Variants in STXBP5L observed in about 807,000 individuals in gnomAD.
The protein encoded by STXBP5L is syntaxin-binding protein 5-like.
STXBP5L carries 65 observed loss-of-function variants against 144.5 expected under a neutral mutation model. The ratio of observed to expected loss-of-function variants is 0.45; its 90% CI spans 0.37 to 0.55. The LOEUF is 0.55. STXBP5L is among the 20% of genes least tolerant of loss of function. STXBP5L has a pLI of 0.00. For synonymous variants in STXBP5L, 505 were observed against 469.6 expected, an observed-to-expected ratio of 1.08 and a Z score of -0.97; for missense variants, 1,298 against 1,405.5, an observed-to-expected ratio of 0.92 and a Z score of 1.22.
chr3:121,367,643 A>G (rs1165480789), intron 20 of STXBP5L, among the ~76,000 whole-genome samples: 1 of 111,378 alleles, frequency 9.0e-6, no homozygotes, highest in African/African-American at 3.5e-5. Flanking sequence ...TCACTTTGTC[A>G]CCCAGAATAG....
intron 3 of STXBP5L, among the ~76,000 whole-genome samples, chr3:120,975,771 C>G (rs1195067866): frequency 6.6e-6 from 1 of 152,078 alleles, no homozygotes; most frequent in Non-Finnish European, 1.5e-5. Context: ...TGAATTTTGT[C>G]AAAGGCCTTT....
chr3:120,955,725 A>G (rs538017972), intron 3 of STXBP5L, among the ~76,000 whole-genome samples: 1 of 152,130 alleles, frequency 6.6e-6, no homozygotes, highest in African/African-American at 2.4e-5. Flanking sequence ...ACATTATACA[A>G]TCAAGATACA....
intron 2 of STXBP5L, among the ~76,000 whole-genome samples, chr3:120,952,713 G>A (rs1336776350): frequency 1.3e-5 from 2 of 152,014 alleles, no homozygotes; most frequent in Admixed American, 1.3e-4. Flanking sequence ...GGCATTGATG[G>A]ATGCTTGATC....
intron 2 of STXBP5L, among the ~76,000 whole-genome samples, chr3:120,947,208 T>C (rs1710917636): frequency 6.6e-6 from 1 of 151,782 alleles, no homozygotes; most frequent in Admixed American, 6.6e-5. Flanking sequence ...GAGCATAAAT[T>C]ATAATATTTC....
At chr3:121,112,595 TC>T (rs2044040884) in intron 5 of STXBP5L, among the ~76,000 whole-genome samples, 1 of 151,710 alleles carries the variant, frequency 6.6e-6, no homozygotes, top group Non-Finnish European at 1.5e-5. Context: ...CGCAGCTATT[TC>T]CAGTCAATCA....
chr3:121,155,122 C>T (rs180801183), intron 8 of STXBP5L, among the ~76,000 whole-genome samples: 1 of 151,922 alleles, frequency 6.6e-6, no homozygotes, highest in Non-Finnish European at 1.5e-5. Context: ...GAATTCTCTA[C>T]AACAGAACCT....
chr3:121,048,315 A>G (rs1947666688), intron 5 of STXBP5L, among the ~76,000 whole-genome samples: 1 of 151,926 alleles, frequency 6.6e-6, no homozygotes, highest in African/African-American at 2.4e-5. Flanking sequence ...GAATCTAATT[A>G]TGTGTCTTGG....
At position 121,065,026 on chromosome 3, in the gene STXBP5L, G is replaced by A. The variant is rs191653947; in HGVS notation, c.470+19491G>A. Reference sequence around the variant, plus strand: ...TTCTGTTCCTACATTAATTCTTTTAGGATTATTGCCTCCAGCTGCATTCTT... The same window carrying A: ...TTCTGTTCCTACATTAATTCTTTTAAGATTATTGCCTCCAGCTGCATTCTT... On this transcript the variant is annotated intron_variant, in intron 5 of 26. Transcript: ENST00000471454. Among the ~76,000 whole-genome samples, 467 of 151,552 alleles carry A rather than the reference G, an allele frequency of 3.1e-3. 5 individuals carry two copies. The highest frequency in any genetic ancestry group is 0.011 in the African/African-American group (450 of 41,348).
intron 14 of STXBP5L, among the ~76,000 whole-genome samples, chr3:121,244,405 TC>T (rs923330037): frequency 6.7e-6 from 1 of 150,356 alleles, no homozygotes; most frequent in Non-Finnish European, 1.5e-5. Context: ...ACAAACACAT[TC>T]AAGTGGACTG....
At chr3:120,992,895 C>T (rs947297094) in intron 3 of STXBP5L, among the ~76,000 whole-genome samples, 2 of 151,924 alleles carry the variant, frequency 1.3e-5, no homozygotes, top group Non-Finnish European at 2.9e-5. Context: ...TCTGTAATGC[C>T]TATACTAATT....
At chr3:121,210,137 G>C (rs2048500257) in intron 10 of STXBP5L, among the ~76,000 whole-genome samples, 1 of 152,032 alleles carries the variant, frequency 6.6e-6, no homozygotes, top group Non-Finnish European at 1.5e-5. Context: ...TAACTGGTGT[G>C]AGATGGTATC....
At chr3:121,329,546 A>G (rs971128740) in intron 20 of STXBP5L, among the ~76,000 whole-genome samples, 7 of 152,210 alleles carry the variant, frequency 4.6e-5, no homozygotes, top group Non-Finnish European at 1.0e-4. Context: ...TCATGGAAAT[A>G]CTCAAACAGT....
intron 10 of STXBP5L, among the ~76,000 whole-genome samples, chr3:121,206,741 GA>G (rs772135915): frequency 6.6e-6 from 1 of 152,154 alleles, no homozygotes; most frequent in Non-Finnish European, 1.5e-5. Context: ...TTGAGCCCAG[GA>G]GGTGGAGGTT....
intron 22 of STXBP5L, among the ~76,000 whole-genome samples, chr3:121,388,239 G>C (rs550750494): frequency 7.2e-5 from 11 of 152,124 alleles, no homozygotes; most frequent in Non-Finnish European, 1.0e-4. Flanking sequence ...ATTTTTGCAC[G>C]TTGATTTTGT....
intron 5 of STXBP5L, among the ~76,000 whole-genome samples, chr3:121,078,132 T>C (rs2042099420): frequency 6.6e-6 from 1 of 150,448 alleles, no homozygotes; most frequent in Admixed American, 6.6e-5. Flanking sequence ...CCAGAGGAGC[T>C]AGATACAGAG....
intron 9 of STXBP5L, chr3:121,158,596 A>G (rs1031102602): frequency 2.8e-4 from 42 of 152,158 alleles, no homozygotes; most frequent in African/African-American, 9.7e-4. Flanking sequence ...CTTTACATTT[A>G]GATGCTTACT....
At chr3:121,075,052 C>T (rs188698372) in intron 5 of STXBP5L, among the ~76,000 whole-genome samples, 5 of 152,242 alleles carry the variant, frequency 3.3e-5, no homozygotes, top group African/African-American at 1.2e-4. Flanking sequence ...ACCATAGGCT[C>T]CTTGGGGCCT....
intron 2 of STXBP5L, among the ~76,000 whole-genome samples, chr3:120,943,717 T>C (rs1166006681): frequency 6.6e-6 from 1 of 151,688 alleles, no homozygotes; most frequent in Non-Finnish European, 1.5e-5. Flanking sequence ...ATTACTACTA[T>C]ATTCAAAATA....
chr3:121,376,756 T>A (rs112921259), intron 20 of STXBP5L, among the ~76,000 whole-genome samples: 2,202 of 152,338 alleles, frequency 0.014, 47 homozygotes, highest in African/African-American at 0.049. Flanking sequence ...GTAGCTTTTT[T>A]TCTAATTCTG....
Sources: gnomAD v4.1 joint callset for allele counts (sites outside exome capture counted in the v4.1 genomes callset) on GRCh38, gnomAD v4.1.1 for gene constraint, MANE v1.5 for transcripts, NCBI Gene and HGNC (gene_info 2026-07-23, HGNC 2026-07-21) for gene names.